Variants in CNOT4 observed in about 807,000 individuals in gnomAD.
CNOT4 encodes the protein CCR4-NOT transcription complex subunit 4.
Under a neutral mutation model 73.8 loss-of-function variants are expected in CNOT4, and 8 were observed. That is an observed-to-expected ratio of 0.11 (90% CI 0.06 to 0.20). The LOEUF (loss-of-function observed/expected upper bound fraction) is 0.20. Among genes scored for constraint, CNOT4 ranks in the 10% least tolerant of loss-of-function variants. CNOT4 has a pLI of 1.00. For missense variants in CNOT4, 564 were observed against 883.4 expected (o/e 0.64, Z 4.58); for synonymous variants, 293 against 321.1 (o/e 0.91, Z 0.94).
intron 1 of CNOT4, among the ~76,000 whole-genome samples, chr7:135,466,638 A>G (rs1801242028): frequency 6.6e-6 from 1 of 152,166 alleles, no homozygotes; most frequent in Non-Finnish European, 1.5e-5. Context: ...GTATTCCCTC[A>G]ACACTTACTC....
chr7:135,505,320 T>C (rs910800378), intron 1 of CNOT4, among the ~76,000 whole-genome samples: 4 of 152,028 alleles, frequency 2.6e-5, no homozygotes, highest in Non-Finnish European at 4.4e-5. Context: ...TTTGGGAGGC[T>C]AAGGCGGGCA....
chr7:135,507,019 A>T (rs2129488421), intron 1 of CNOT4, among the ~76,000 whole-genome samples: 1 of 152,284 alleles, frequency 6.6e-6, no homozygotes, highest in Non-Finnish European at 1.5e-5. Context: ...TAAACTGATA[A>T]GATATTTTTT....
intron 1 of CNOT4, among the ~76,000 whole-genome samples, chr7:135,455,383 T>G (rs1192435251): frequency 6.6e-6 from 1 of 151,822 alleles, no homozygotes; most frequent in Non-Finnish European, 1.5e-5. Flanking sequence ...AAAATAATGG[T>G]CAATACATAT....
chr7:135,499,494 A>C (rs1432630774), intron 1 of CNOT4, among the ~76,000 whole-genome samples: 5 of 152,122 alleles, frequency 3.3e-5, no homozygotes, highest in Non-Finnish European at 5.9e-5. Context: ...TAAAAAAAAA[A>C]CATAAACTAT....
At chr7:135,471,014 A>C (rs752762940) in intron 1 of CNOT4, among the ~76,000 whole-genome samples, 4 of 152,220 alleles carry the variant, frequency 2.6e-5, no homozygotes, top group Non-Finnish European at 4.4e-5. Context: ...CATGAACAAA[A>C]TCTCGACTTA....
intron 10 of CNOT4, among the ~76,000 whole-genome samples, chr7:135,372,105 CA>C (rs1372819252): frequency 1.4e-4 from 22 of 152,230 alleles, no homozygotes; most frequent in African/African-American, 4.8e-4. Context: ...TGGAAGGTGT[CA>C]ACCACCCTAA....
At chr7:135,379,106 G>T (rs1795692902) in intron 10 of CNOT4, among the ~76,000 whole-genome samples, 2 of 151,990 alleles carry the variant, frequency 1.3e-5, no homozygotes, top group African/African-American at 4.8e-5. Flanking sequence ...CCTGTTAATT[G>T]TGGTAAATTA....
At chr7:135,407,727 T>G (rs568869216) in intron 7 of CNOT4, among the ~76,000 whole-genome samples, 1 of 152,328 alleles carries the variant, frequency 6.6e-6, no homozygotes, top group South Asian at 2.1e-4. Context: ...GGTCTTGCTT[T>G]GTTGCCCAGG....
chr7:135,444,038 G>A (rs773951689), intron 1 of CNOT4, among the ~76,000 whole-genome samples: 13 of 151,972 alleles, frequency 8.6e-5, no homozygotes, highest in Non-Finnish European at 1.3e-4. Flanking sequence ...TACTCAGGAG[G>A]CCGAGGTAGG....
intron 7 of CNOT4, among the ~76,000 whole-genome samples, chr7:135,404,316 C>T (rs920520822): frequency 6.6e-6 from 1 of 152,184 alleles, no homozygotes; most frequent in Non-Finnish European, 1.5e-5. Flanking sequence ...CTCATGGCAC[C>T]TGACCATAGT....
At chr7:135,386,264 C>G (rs1278017831) in intron 10 of CNOT4, 4 of 151,548 alleles carry the variant, frequency 2.6e-5, no homozygotes, top group Non-Finnish European at 2.9e-5. Flanking sequence ...GCACACAAAC[C>G]CACAATTTTG....
In CNOT4 at chr7:135,487,920, G is replaced by C. The variant is rs1388966635; in HGVS notation, c.-93+21969C>G. ...TACAAAAACAAAATTAGCCGGGCAT[G>C]GTGGCGGGCACCTGTAGTCCCAGCT... On this transcript the variant is annotated intron_variant, in intron 1 of 11. Coordinates refer to ENST00000541284, the MANE Select transcript of CNOT4 (RefSeq NM_001190850.2). Among the ~76,000 whole-genome samples the C allele has an allele frequency of 2.6e-5, 4 of 152,038 alleles. 1 individual carries two copies. In the East Asian group the frequency reaches 7.7e-4, roughly 29 times the overall value.
At chr7:135,407,768 C>T (rs569227869) in intron 7 of CNOT4, among the ~76,000 whole-genome samples, 119 of 152,256 alleles carry the variant, frequency 7.8e-4, no homozygotes, top group South Asian at 3.1e-3. Flanking sequence ...TGAAGTGATC[C>T]GCCTGTCTCA....
intron 10 of CNOT4, among the ~76,000 whole-genome samples, chr7:135,365,851 C>T (rs983207429): frequency 1.3e-5 from 2 of 152,118 alleles, no homozygotes; most frequent in African/African-American, 4.8e-5. Context: ...ACTAGTTTCC[C>T]CCTGGCTCCC....
intron 7 of CNOT4, among the ~76,000 whole-genome samples, 164 bp downstream of exon 7, chr7:135,410,351 T>C (rs1797526334): frequency 6.6e-6 from 1 of 152,118 alleles, no homozygotes; most frequent in African/African-American, 2.4e-5. Context: ...GCAGCAAGCA[T>C]TCAAACCCAG....
At chr7:135,440,644 G>A (rs1256764719) in intron 1 of CNOT4, among the ~76,000 whole-genome samples, 1 of 152,026 alleles carries the variant, frequency 6.6e-6, no homozygotes, top group Non-Finnish European at 1.5e-5. Flanking sequence ...ACTGCAGGCC[G>A]GGTGCAGTGG....
chr7:135,370,859 A>T (rs1282293779), intron 10 of CNOT4, among the ~76,000 whole-genome samples: 2 of 152,194 alleles, frequency 1.3e-5, no homozygotes, highest in African/African-American at 2.4e-5. Flanking sequence ...AACTGAAGGA[A>T]ATGAGCCACT....
At chr7:135,432,195 C>T (rs1056518539) in intron 2 of CNOT4, among the ~76,000 whole-genome samples, 8 of 152,122 alleles carry the variant, frequency 5.3e-5, no homozygotes, top group African/African-American at 1.7e-4. Context: ...TGGATTTATA[C>T]ATTTATGGGC....
chr7:135,416,731 T>C (rs1797896005), intron 3 of CNOT4, among the ~76,000 whole-genome samples: 1 of 152,136 alleles, frequency 6.6e-6, no homozygotes, highest in South Asian at 2.1e-4. Flanking sequence ...TTTAAGGCAG[T>C]AGTTCTCAAT....
Sources: gnomAD v4.1 joint callset for allele counts (sites outside exome capture counted in the v4.1 genomes callset) on GRCh38, gnomAD v4.1.1 for gene constraint, MANE v1.5 for transcripts, NCBI Gene and HGNC (gene_info 2026-07-23, HGNC 2026-07-21) for gene names.